The following NRXN3 variants were observed in gnomAD, a reference collection of about 807,000 sequenced individuals.
The protein encoded by NRXN3 is neurexin III.
NRXN3 carries 32 observed loss-of-function variants against 137.6 expected under a neutral mutation model. That is an observed-to-expected ratio of 0.23 (90% CI 0.18 to 0.31). NRXN3 has a LOEUF of 0.31. NRXN3 is among the 10% of genes least tolerant of loss of function. NRXN3 has a pLI of 1.00. For missense variants in NRXN3, 1,574 were observed against 2,062.5 expected (o/e 0.76, Z 4.59); for synonymous variants, 798 against 784.5 (o/e 1.02, Z -0.29).
At chr14:79,788,950 A>G (rs28641573) in intron 19 of NRXN3, among the ~76,000 whole-genome samples, 11,079 of 152,210 alleles carry the variant, frequency 0.073, 482 homozygotes, top group South Asian at 0.13. Context: ...ATAAGCCAAA[A>G]CATAAAGTTA....
chr14:79,547,399 C>G (rs1465459708), intron 16 of NRXN3, among the ~76,000 whole-genome samples: 1 of 152,196 alleles, frequency 6.6e-6, no homozygotes, highest in Non-Finnish European at 1.5e-5. Context: ...TAACTCCACA[C>G]ACACATGATA....
intron 10 of NRXN3, among the ~76,000 whole-genome samples, chr14:78,894,754 A>G (rs775365004): frequency 6.6e-6 from 1 of 151,842 alleles, no homozygotes; most frequent in Admixed American, 6.6e-5. Context: ...GAAAGTTGAA[A>G]TTATTCCTTG....
chr14:78,184,294 T>G (rs2060048572), intron 1 of NRXN3, among the ~76,000 whole-genome samples: 1 of 152,254 alleles, frequency 6.6e-6, no homozygotes, highest in Admixed American at 6.5e-5. Context: ...TTTTGGAAGC[T>G]GTCACACTAG....
rs192573429 is a variant in NRXN3, at chr14:78,884,032, T to G, written c.2276-73210T>G. Among the ~76,000 whole-genome samples, 265 of 152,336 alleles carry G rather than the reference T, an allele frequency of 1.7e-3. 1 individual carries two copies. The highest frequency in any genetic ancestry group is 5.6e-3 in the African/African-American group (233 of 41,586). ...ATTAAATCTTGTTTCCTTTACTTTTTGTATAATGCTAATGTATCCCTTAAA... is the reference window on the plus strand; with the variant it reads ...ATTAAATCTTGTTTCCTTTACTTTTGGTATAATGCTAATGTATCCCTTAAA... On this transcript the variant is annotated intron_variant, in intron 10 of 20. Coordinates refer to ENST00000335750, the MANE Select transcript of NRXN3 (RefSeq NM_001330195.2).
intron 10 of NRXN3, among the ~76,000 whole-genome samples, chr14:78,905,566 C>T (rs2099213357): frequency 6.6e-6 from 1 of 151,906 alleles, no homozygotes; most frequent in Non-Finnish European, 1.5e-5. Context: ...TCTACAAAGC[C>T]TATTAATATT....
intron 16 of NRXN3, among the ~76,000 whole-genome samples, chr14:79,588,843 G>A (rs1417978367): frequency 6.6e-6 from 1 of 152,146 alleles, no homozygotes; most frequent in Non-Finnish European, 1.5e-5. Flanking sequence ...GAGATGTTTT[G>A]GTATAGGCAA....
At position 78,956,618 on chromosome 14, in the gene NRXN3, C is replaced by T. The variant is rs561545494; in HGVS notation, c.2276-624C>T. ...GAGGATGATGAACAATGGGAAAATT[C>T]TGGGGGCCCTCACATTCCCTTCAGG... is the stretch of plus-strand genomic sequence containing the variant. On this transcript the variant is annotated intron_variant, in intron 10 of 20. Coordinates refer to ENST00000335750, the MANE Select transcript of NRXN3 (RefSeq NM_001330195.2). Among the ~76,000 whole-genome samples, 62 of 152,210 alleles carry T rather than the reference C, an allele frequency of 4.1e-4. 1 individual carries two copies. In the South Asian group the frequency reaches 0.012, roughly 29 times the overall value.
intron 8 of NRXN3, among the ~76,000 whole-genome samples, chr14:78,766,173 T>A (rs768698267): frequency 2.0e-5 from 3 of 152,236 alleles, no homozygotes; most frequent in Non-Finnish European, 4.4e-5. Flanking sequence ...TGGTCCTTTG[T>A]AGACATCTAT....
chr14:78,709,070 G>A (rs2098384531), intron 6 of NRXN3, 147 bp from the exon 7 acceptor site: 1 of 647,948 alleles, frequency 1.5e-6, no homozygotes, highest in Admixed American at 3.2e-5. Context: ...ATACCTTTTT[G>A]GTTCCTGTGT....
At chr14:78,450,623 T>C (rs1205745711) in intron 4 of NRXN3, among the ~76,000 whole-genome samples, 1 of 152,168 alleles carries the variant, frequency 6.6e-6, no homozygotes, top group Non-Finnish European at 1.5e-5. Context: ...GAAGGAGCTC[T>C]GGGAGGCTGG....
At chr14:79,772,477 T>A (rs1378872367) in intron 19 of NRXN3, among the ~76,000 whole-genome samples, 1 of 152,030 alleles carries the variant, frequency 6.6e-6, no homozygotes, top group Non-Finnish European at 1.5e-5. Flanking sequence ...ATGCCGCATA[T>A]CTACAACTAC....
rs76624791 is a variant in NRXN3 at position 78,782,713 on chromosome 14, G to A, written c.2045-20907G>A. On this transcript the variant is annotated intron_variant, in intron 8 of 20. Transcript: ENST00000335750. Reference sequence around the variant, plus strand: ...TCTCCCAAAAGCTAATGAGTCATGAGCTAATATTATCCTTATTTCACCAAT... The same window carrying A: ...TCTCCCAAAAGCTAATGAGTCATGAACTAATATTATCCTTATTTCACCAAT... 5.6e-3 allele frequency among the ~76,000 whole-genome samples: 858 copies of A among 152,290 alleles called. 7 individuals are homozygous for A. Among genetic ancestry groups the A allele is most frequent in the East Asian group, 0.032 (168 of 5,180 alleles).
At chr14:78,302,962 A>G (rs535270001) in intron 4 of NRXN3, among the ~76,000 whole-genome samples, 5 of 152,236 alleles carry the variant, frequency 3.3e-5, no homozygotes, top group Admixed American at 3.3e-4. Context: ...GTTCTCTTCT[A>G]GTCTATCCAG....
chr14:78,414,741 G>A (rs575783592), intron 4 of NRXN3, among the ~76,000 whole-genome samples: 35 of 152,166 alleles, frequency 2.3e-4, no homozygotes, highest in African/African-American at 6.0e-4. Context: ...AACAGTTTGC[G>A]TCAAAGTAGC....
At chr14:78,258,571 T>C (rs766689355) in intron 2 of NRXN3, among the ~76,000 whole-genome samples, 11 of 152,054 alleles carry the variant, frequency 7.2e-5, no homozygotes, top group Non-Finnish European at 1.3e-4. Flanking sequence ...CTTTGGGAAC[T>C]GTAATATTTA....
intron 15 of NRXN3, among the ~76,000 whole-genome samples, chr14:79,219,989 C>T (rs963301007): frequency 6.6e-6 from 1 of 152,138 alleles, no homozygotes; most frequent in African/African-American, 2.4e-5. Flanking sequence ...TTATGAGAAG[C>T]TACTTTATAG....
At chr14:79,415,149 T>C (rs2153521901) in intron 15 of NRXN3, among the ~76,000 whole-genome samples, 1 of 152,232 alleles carries the variant, frequency 6.6e-6, no homozygotes, top group East Asian at 1.9e-4. Context: ...GACACTCAGG[T>C]TGATATAATG....
chr14:78,952,012 T>C (rs1336255648), intron 10 of NRXN3, among the ~76,000 whole-genome samples: 2 of 152,174 alleles, frequency 1.3e-5, no homozygotes, highest in African/African-American at 4.8e-5. Context: ...AAGCAGGGGC[T>C]CCTGGAGGGT....
chr14:79,498,933 C>T (rs868015610), intron 16 of NRXN3, among the ~76,000 whole-genome samples: 2 of 152,150 alleles, frequency 1.3e-5, no homozygotes, highest in Non-Finnish European at 2.9e-5. Context: ...TACAGGCACA[C>T]ACCATTATGC....
Sources: gnomAD v4.1 joint callset for allele counts (sites outside exome capture counted in the v4.1 genomes callset) on GRCh38, gnomAD v4.1.1 for gene constraint, MANE v1.5 for transcripts, NCBI Gene and HGNC (gene_info 2026-07-23, HGNC 2026-07-21) for gene names.